The following RABEP1 variants were observed in gnomAD, a reference collection of about 807,000 sequenced individuals.
The protein encoded by RABEP1 is rabaptin, RAB GTPase binding effector protein 1, also known as rab GTPase-binding effector protein 1.
RABEP1 carries 51 observed loss-of-function variants against 123.4 expected under a neutral mutation model. That is an observed-to-expected ratio of 0.41 (90% confidence interval 0.33 to 0.52). The LOEUF (loss-of-function observed/expected upper bound fraction) is 0.52. RABEP1 is among the 20% of genes least tolerant of loss of function. The pLI is 0.16. For missense variants in RABEP1, 888 were observed against 996.3 expected, an observed-to-expected ratio of 0.89 and a Z score of 1.46; for synonymous variants, 347 against 355.2, an observed-to-expected ratio of 0.98 and a Z score of 0.26.
rs564690676 is a variant in RABEP1 at position 5,327,096 on chromosome 17, C to G, written c.164-4853C>G. Among the ~76,000 whole-genome samples the G allele has an allele frequency of 1.4e-4, 21 of 152,250 alleles. No individual in the cohort carries two copies. The South Asian group carries it at 4.4e-3, about 32-fold the overall frequency. On this transcript the variant is annotated intron_variant, in intron 2 of 17. Transcript: ENST00000537505. ...GGCACGGTGGCTCACGCCTGTAATCCCAGCACTTTGGGAGGCCGAGGTGGG... is the reference window on the plus strand; with the variant it reads ...GGCACGGTGGCTCACGCCTGTAATCGCAGCACTTTGGGAGGCCGAGGTGGG...
At chr17:5,303,134 T>G (rs769533871) in intron 1 of RABEP1, among the ~76,000 whole-genome samples, 4 of 152,224 alleles carry the variant, frequency 2.6e-5, no homozygotes, top group African/African-American at 9.6e-5. Context: ...TACTGTGCTA[T>G]GTATAATGTA....
At chr17:5,381,716 ATTTTGCCTCCTTATGAG>A in intron 17 of RABEP1, 1 of 725,058 alleles carries the variant, frequency 1.4e-6, no homozygotes, top group Middle Eastern at 4.5e-4. Context: ...TGCCTTGCCA[ATTTTGCCTCCTTATGAG>A]TAAAGTACTG....
intron 1 of RABEP1, among the ~76,000 whole-genome samples, chr17:5,283,153 G>A (rs1409739161): frequency 6.6e-6 from 1 of 151,932 alleles, no homozygotes; most frequent in Non-Finnish European, 1.5e-5. Flanking sequence ...TAACCAAGAG[G>A]TTAATTCATG....
chr17:5,290,150 C>T (rs150951321), intron 1 of RABEP1, among the ~76,000 whole-genome samples: 2,269 of 152,268 alleles, frequency 0.015, 30 homozygotes, highest in Middle Eastern at 0.02. Context: ...TGCAGTGGCA[C>T]GATCTCAGCT....
In RABEP1 at chr17:5,300,714, C is replaced by A. The variant is rs79870506; in HGVS notation, c.35-7980C>A. On this transcript the variant is annotated intron_variant, in intron 1 of 17. Coordinates refer to ENST00000537505, the MANE Select transcript of RABEP1 (RefSeq NM_004703.6). Reference sequence around the variant, plus strand: ...TAATCATTGCTTAGCACCCTATGAGCAGTCTTTAAGAGTATGGTAGTGGGA... The same window carrying A: ...TAATCATTGCTTAGCACCCTATGAGAAGTCTTTAAGAGTATGGTAGTGGGA... Among the ~76,000 whole-genome samples, 1,050 of 152,270 alleles carry A rather than the reference C, an allele frequency of 6.9e-3. 14 individuals are homozygous for A. The highest frequency in any genetic ancestry group is 0.023 in the African/African-American group (947 of 41,528).
Position 5,354,366 on chromosome 17 carries a change from A to C in RABEP1, c.971A>C (p.Asp324Ala), listed in dbSNP as rs1434615988. 4 of 1,609,496 alleles carry C rather than the reference A, an allele frequency of 2.5e-6. No individual in the cohort carries two copies. Among genetic ancestry groups the C allele is most frequent in the Non-Finnish European group, 3.4e-6 (4 of 1,178,404 alleles). Residue 324 changes from aspartate (D) to alanine (A), a missense_variant, in exon 8 of 18, where the codon GAT becomes GCT. By Grantham distance (126) the Asp-to-Ala change is moderately radical. Transcript: ENST00000537505. Reference sequence around the variant, plus strand: ...TTTTTTTCTTCCTTTTAGGAGGATGATGAACAACAAAGACTCAATAAGAGA... The same window carrying C: ...TTTTTTTCTTCCTTTTAGGAGGATGCTGAACAACAAAGACTCAATAAGAGA... Reference protein sequence around the residue: ...EELKKKDQEDDEQQRLNKRKD... With the variant: ...EELKKKDQEDAEQQRLNKRKD...
intron 1 of RABEP1, among the ~76,000 whole-genome samples, chr17:5,305,835 G>A (rs970939635): frequency 6.6e-6 from 1 of 152,138 alleles, no homozygotes; most frequent in Non-Finnish European, 1.5e-5. Context: ...TTTCCTTCCA[G>A]TGGATTTCTC....
intron 12 of RABEP1, among the ~76,000 whole-genome samples, chr17:5,369,976 G>A (rs1230612711): frequency 2.6e-5 from 4 of 152,186 alleles, no homozygotes; most frequent in Non-Finnish European, 5.9e-5. Flanking sequence ...TGGGATTACA[G>A]GCATGAGCCA....
In RABEP1 at chr17:5,282,397, G is replaced by C. The variant is rs2074933004; in HGVS notation, c.-90G>C. On this transcript the variant is annotated 5_prime_UTR_variant, in exon 1 of 18. Coordinates refer to ENST00000537505, the MANE Select transcript of RABEP1 (RefSeq NM_004703.6). ...CTCTGGGCGGCGGCGGCGGCGGCTCGGTTGACGCCTCCTCCGCCAGCTGAG... is the reference window on the plus strand; with the variant it reads ...CTCTGGGCGGCGGCGGCGGCGGCTCCGTTGACGCCTCCTCCGCCAGCTGAG... The C allele has an allele frequency of 9.4e-7, 1 of 1,063,880 alleles. No individual in the cohort carries two copies. The highest frequency in any genetic ancestry group is 3.9e-5 in the Admixed American group (1 of 25,816). The allele number at this position is 1,063,880 out of a possible 1,614,324, so 65.9% of individuals were successfully genotyped here.
intron 15 of RABEP1, among the ~76,000 whole-genome samples, 161 bp from the exon 16 acceptor site, chr17:5,380,203 G>T (rs922027274): frequency 1.3e-5 from 2 of 152,198 alleles, no homozygotes; most frequent in Non-Finnish European, 2.9e-5. Flanking sequence ...AATAGTTCAG[G>T]AAGAATACAG....
At chr17:5,378,716 G>C in intron 15 of RABEP1, 1 of 180,458 alleles carries the variant, frequency 5.5e-6, no homozygotes, top group Non-Finnish European at 1.2e-5. Context: ...GCTGCATTTT[G>C]CCCAACTGTG....
intron 2 of RABEP1, among the ~76,000 whole-genome samples, chr17:5,326,070 T>G (rs1032880381): frequency 1.1e-4 from 17 of 152,188 alleles, no homozygotes; most frequent in African/African-American, 4.1e-4. Flanking sequence ...GTAGCCACTT[T>G]GGGATGTAAG....
intron 4 of RABEP1, among the ~76,000 whole-genome samples, chr17:5,336,968 C>T (rs2144613222): frequency 6.6e-6 from 1 of 152,202 alleles, no homozygotes; most frequent in East Asian, 1.9e-4. Context: ...ACTTTGCACT[C>T]ATTTAAATTC....
chr17:5,335,345 G>A lies in RABEP1; in HGVS notation c.528+1G>A, dbSNP rs760238979. On this transcript the variant is annotated splice_donor_variant, in intron 4 of 17. Coordinates refer to ENST00000537505, the MANE Select transcript of RABEP1 (RefSeq NM_004703.6). LOFTEE classifies it high-confidence loss of function. ...AAATTTAGAAAATGAAATGAAAAAG[G>A]TATGAAGGAATGTGTTCATTTGTAG... is the stretch of plus-strand genomic sequence containing the variant. 1 of 1,608,306 alleles carries A rather than the reference G, an allele frequency of 6.2e-7. No homozygotes were observed. The highest frequency in any genetic ancestry group is 1.1e-5 in the South Asian group (1 of 90,692).
chr17:5,357,469 T>A (rs1909126972), intron 8 of RABEP1, among the ~76,000 whole-genome samples: 1 of 152,058 alleles, frequency 6.6e-6, no homozygotes, highest in Non-Finnish European at 1.5e-5. Flanking sequence ...CCTCTTGGGT[T>A]CAAGCGATTC....
At chr17:5,327,137 C>T (rs1260985467) in intron 2 of RABEP1, among the ~76,000 whole-genome samples, 1 of 152,098 alleles carries the variant, frequency 6.6e-6, no homozygotes, top group Non-Finnish European at 1.5e-5. Context: ...CACCTGAGGT[C>T]AGGAGTTCGA....
At position 5,373,357 on chromosome 17, in the gene RABEP1, T is replaced by C; in HGVS notation, c.1928T>C (p.Val643Ala). ...CGGGAACAGGTTTCAGAAGAGCTGG[T>C]GAGGTTACAGAAAGATAATGACAGT... ...QSREQVSEEL[V>A]RLQKDNDSLQ... Residue 643 changes from valine (V) to alanine (A), a missense_variant, in exon 13 of 18, where the codon GTG becomes GCG. Transcript: ENST00000537505. 1 of 1,613,058 alleles carries C rather than the reference T, an allele frequency of 6.2e-7. No homozygotes were observed. The highest frequency in any genetic ancestry group is 1.7e-5 in the Admixed American group (1 of 59,856).
chr17:5,289,037 A>G (rs1219204629), intron 1 of RABEP1, among the ~76,000 whole-genome samples: 1 of 152,106 alleles, frequency 6.6e-6, no homozygotes, highest in African/African-American at 2.4e-5. Context: ...CACTTCCAGG[A>G]TAGGAATTAT....
intron 13 of RABEP1, among the ~76,000 whole-genome samples, chr17:5,376,096 T>C (rs1233133763): frequency 6.6e-6 from 1 of 152,130 alleles, no homozygotes; most frequent in East Asian, 1.9e-4. Context: ...CTTCCTCGGC[T>C]TCCCAAAAGT....
Sources: allele counts gnomAD v4.1 joint callset (sites outside exome capture counted in the v4.1 genomes callset), GRCh38; gene constraint gnomAD v4.1.1; transcripts MANE v1.5; gene names NCBI Gene and HGNC (gene_info 2026-07-23, HGNC 2026-07-21).